The following ZC3H3 variants were observed in gnomAD, a reference collection of about 807,000 sequenced individuals.
ZC3H3 encodes zinc finger CCCH-type containing 3.
Under a neutral mutation model 77.3 loss-of-function variants are expected in ZC3H3, and 36 were observed. That is an observed-to-expected ratio of 0.47 (90% confidence interval 0.36 to 0.61). ZC3H3 has a LOEUF of 0.61. Among genes scored for constraint, ZC3H3 ranks in the 20% least tolerant of loss-of-function variants. The pLI is 0.00. For synonymous variants in ZC3H3, 626 were observed against 555.2 expected (o/e 1.13, Z -1.79); for missense variants, 1,331 against 1,312.2 (o/e 1.01, Z -0.22).
In ZC3H3 at chr8:143,440,200, A is replaced by C. The variant is rs372208857; in HGVS notation, c.2656T>G (p.Leu886Val). ...SSSSSSPPAS[L>V]DHEAPSLQEA... ...TGGAGAGATGGTGCCTCGTGGTCCA[A>C]GGAAGCGGGAGGGGATGAGGAGGAG... Residue 886 changes from leucine (L) to valine (V), a missense_variant, in exon 11 of 12, where the codon TTG (leucine) becomes GTG (valine). Physicochemically the swap from Leu to Val is conservative, Grantham distance 32 (BLOSUM62 1). Around this residue, in one of 3 missense-constraint regions of ZC3H3, gnomAD observed 249 missense variants for 236.9 expected, o/e 1.05. Coordinates refer to ENST00000262577, the MANE Select transcript of ZC3H3 (RefSeq NM_015117.3). 6.2e-6 allele frequency: 10 copies of C among 1,610,822 alleles called. No homozygotes were observed. Among genetic ancestry groups the C allele is most frequent in the Non-Finnish European group, 8.5e-6 (10 of 1,179,274 alleles).
intron 3 of ZC3H3, among the ~76,000 whole-genome samples, chr8:143,513,262 C>T (rs1351099099): frequency 6.6e-6 from 1 of 152,142 alleles, no homozygotes. Flanking sequence ...AGGCCCCTCA[C>T]ACCCCCACCC....
At chr8:143,502,568 T>C (rs1293953954) in intron 4 of ZC3H3, among the ~76,000 whole-genome samples, 1 of 152,232 alleles carries the variant, frequency 6.6e-6, no homozygotes, top group Non-Finnish European at 1.5e-5. Flanking sequence ...GACAGGACCA[T>C]TTGTAGTCAG....
At chr8:143,479,989 G>A (rs1563851610) in intron 4 of ZC3H3, among the ~76,000 whole-genome samples, 2 of 152,208 alleles carry the variant, frequency 1.3e-5, no homozygotes, top group South Asian at 4.1e-4. Context: ...GGTGCCCAGA[G>A]GGCTGAGCCC....
Position 143,507,827 on chromosome 8 carries a change from T to C in ZC3H3, c.1634A>G (p.Lys545Arg), listed in dbSNP as rs766974743. 6.2e-7 allele frequency: 1 copy of C among 1,609,660 alleles called. No individual in the cohort carries two copies. Among genetic ancestry groups the C allele is most frequent in the Non-Finnish European group, 8.5e-7 (1 of 1,178,600 alleles). The stretch of plus-strand genomic sequence containing the variant: ...GGCGCTGAGAGGCGAGGCCGGCGTC[T>C]TCTTGACAATGCGGTAGCGGGTCTT... ...VIKTRYRIVK[K>R]TPASPLSAPP... The change falls in exon 4 of 12, where the codon AAG (lysine) becomes AGG (arginine). Residue 545 changes from lysine to arginine, a missense_variant. Lys to Arg is a conservative substitution (Grantham distance 26). Transcript: ENST00000262577.
At position 143,533,994 on chromosome 8, in the gene ZC3H3, A is replaced by C. The variant is rs188650893; in HGVS notation, c.1561+2263T>G. 6.6e-6 allele frequency among the ~76,000 whole-genome samples: 1 copy of C among 151,750 alleles called. No homozygotes were observed. The highest frequency in any genetic ancestry group is 2.0e-4 in the East Asian group (1 of 5,080). On this transcript the variant is annotated intron_variant, in intron 3 of 11. Coordinates refer to ENST00000262577, the MANE Select transcript of ZC3H3 (RefSeq NM_015117.3). The surrounding 1 kb of genome is among the most constrained non-coding windows in gnomAD (Gnocchi z 4.0). ...CCCAGCCTCACGTTGGTCTTTAACT[A>C]TGAGTTTGGCTGGGCACAGTGGCTC...
rs1822889232 is a variant in ZC3H3 at position 143,538,592 on chromosome 8, G to A, written c.775C>T (p.Leu259Phe). 6.2e-7 allele frequency: 1 copy of A among 1,610,378 alleles called. No homozygotes were observed. The highest frequency in any genetic ancestry group is 8.5e-7 in the Non-Finnish European group (1 of 1,180,014). The change falls in exon 2 of 12, where the codon CTC becomes TTC. Residue 259 changes from leucine to phenylalanine, a missense_variant. Leu to Phe is a conservative substitution (Grantham distance 22, BLOSUM62 0). Coordinates refer to ENST00000262577, the MANE Select transcript of ZC3H3 (RefSeq NM_015117.3). ...SHSVASCAPQ[L>F]LGDRRVDAGH... ...GCATCTACTCTCCTGTCCCCAAGGA[G>A]CTGTGGAGCACAGCTGGCCACGGAA... is the stretch of plus-strand genomic sequence containing the variant.
intron 3 of ZC3H3, among the ~76,000 whole-genome samples, 191 bp from the exon 4 acceptor site, chr8:143,508,090 A>G (rs899130202): frequency 3.3e-5 from 5 of 152,242 alleles, no homozygotes; most frequent in African/African-American, 1.2e-4. Flanking sequence ...CCGACGCTTC[A>G]GGAGCTAGCC....
chr8:143,488,492 C>T (rs1490586287), intron 4 of ZC3H3, among the ~76,000 whole-genome samples: 1 of 150,418 alleles, frequency 6.6e-6, no homozygotes, highest in South Asian at 2.1e-4. Flanking sequence ...CAGAACAGCA[C>T]CCGCTACACG....
Position 143,437,961 on chromosome 8 carries a change from C to T in ZC3H3, c.*95G>A, listed in dbSNP as rs550721727. 69 of 1,514,644 alleles carry T rather than the reference C, an allele frequency of 4.6e-5. 1 individual carries two copies. The highest frequency in any genetic ancestry group is 5.8e-5 in the Non-Finnish European group (65 of 1,113,486). 93.8% of individuals were successfully genotyped at this position (1,514,644 alleles called of 1,614,324 possible). A position where few individuals can be genotyped will look rare whatever the true frequency, so the allele number is the denominator to read the frequency against. ...GTGGCCCCCAGGTGAGGCTTGGTGG[C>T]GGGCGGCCCTCCTGTGGGGTAGAGT... On this transcript the variant is annotated 3_prime_UTR_variant, in exon 12 of 12. Transcript: ENST00000262577.
intron 4 of ZC3H3, among the ~76,000 whole-genome samples, chr8:143,497,942 G>A (rs547289633): frequency 6.6e-6 from 1 of 152,350 alleles, no homozygotes; most frequent in South Asian, 2.1e-4. Flanking sequence ...CTGCCTGGCA[G>A]GCACCACAGC....
At chr8:143,531,105 G>A (rs547864630) in intron 3 of ZC3H3, among the ~76,000 whole-genome samples, 2 of 152,020 alleles carry the variant, frequency 1.3e-5, no homozygotes, top group African/African-American at 4.8e-5. Context: ...GACTACAGGC[G>A]TGTGCCACCA....
chr8:143,448,639 G>A (rs1236205345), intron 9 of ZC3H3, among the ~76,000 whole-genome samples: 2 of 152,198 alleles, frequency 1.3e-5, no homozygotes, highest in East Asian at 3.8e-4. Context: ...ATTTTCAAGA[G>A]CCAGCACTGA....
chr8:143,535,032 C>T (rs576105022), intron 3 of ZC3H3, among the ~76,000 whole-genome samples: 9 of 152,096 alleles, frequency 5.9e-5, no homozygotes, highest in East Asian at 5.8e-4. Flanking sequence ...CCCTAGATGA[C>T]GGTACGCTTG....
intron 4 of ZC3H3, among the ~76,000 whole-genome samples, chr8:143,500,687 T>C (rs1003981828): frequency 6.6e-6 from 1 of 152,212 alleles, no homozygotes; most frequent in Non-Finnish European, 1.5e-5. Flanking sequence ...GAGGCAATCA[T>C]GCCACACCCT....
At position 143,533,912 on chromosome 8, in the gene ZC3H3, G is replaced by A. The variant is rs1038674382; in HGVS notation, c.1561+2345C>T. On this transcript the variant is annotated intron_variant, in intron 3 of 11. Coordinates refer to ENST00000262577, the MANE Select transcript of ZC3H3 (RefSeq NM_015117.3). The surrounding 1 kb of genome is among the most constrained non-coding windows in gnomAD (Gnocchi z 4.0). Reference sequence around the variant, plus strand: ...GCTGGTCTTGAACTCCTGACCTCAGGTGATCCACCCGCCTCGGCCTCCCAG... The same window carrying A: ...GCTGGTCTTGAACTCCTGACCTCAGATGATCCACCCGCCTCGGCCTCCCAG... 1.3e-5 allele frequency among the ~76,000 whole-genome samples: 2 copies of A among 152,124 alleles called. No homozygotes were observed. Among genetic ancestry groups the A allele is most frequent in the South Asian group, 2.1e-4 (1 of 4,820 alleles).
chr8:143,485,064 C>T (rs1446674533), intron 4 of ZC3H3: 1 of 262,744 alleles, frequency 3.8e-6, no homozygotes, highest in Non-Finnish European at 7.7e-6. Flanking sequence ...GTGGCAAACA[C>T]CAGTTGGAAC....
intron 5 of ZC3H3, among the ~76,000 whole-genome samples, chr8:143,474,107 G>A (rs969177595): frequency 2.6e-5 from 4 of 152,182 alleles, no homozygotes; most frequent in Non-Finnish European, 4.4e-5. Context: ...CTCCTGCACT[G>A]AGCACCCGGG....
intron 5 of ZC3H3, among the ~76,000 whole-genome samples, chr8:143,469,899 G>C (rs1586895189): frequency 6.6e-6 from 1 of 152,236 alleles, no homozygotes; most frequent in Non-Finnish European, 1.5e-5. Flanking sequence ...CTGCAGTTAA[G>C]AGGCAGAGGT....
At chr8:143,470,696 C>T (rs1317675545) in intron 5 of ZC3H3, among the ~76,000 whole-genome samples, 3 of 152,236 alleles carry the variant, frequency 2.0e-5, no homozygotes, top group African/African-American at 7.2e-5. Context: ...GGTTACCTCC[C>T]TTTCCACTTT....
Sources: gnomAD v4.1 joint callset for allele counts (sites outside exome capture counted in the v4.1 genomes callset) on GRCh38, gnomAD v4.1.1 for gene constraint, gnomAD v4.1.1 regional missense constraint, Gnocchi (gnomAD v3.1) non-coding constraint, MANE v1.5 for transcripts, NCBI Gene and HGNC (gene_info 2026-07-23, HGNC 2026-07-21) for gene names.